The following MAD1L1 variants were observed in gnomAD, a reference collection of about 807,000 sequenced individuals.
MAD1L1 encodes mitotic arrest deficient 1 like 1.
Under a neutral mutation model 96.9 loss-of-function variants are expected in MAD1L1, and 95 were observed. That is an observed-to-expected ratio of 0.98 (90% CI 0.83 to 1.16). The LOEUF (loss-of-function observed/expected upper bound fraction) is 1.16. MAD1L1 is among the 50% of genes most tolerant of loss of function. The pLI is 0.00. For missense variants in MAD1L1, 1,007 were observed against 954.4 expected (o/e 1.06, Z -0.73); for synonymous variants, 473 against 396.6 (o/e 1.19, Z -2.29).
At chr7:2,132,602 G>A (rs80090166) in intron 11 of MAD1L1, among the ~76,000 whole-genome samples, 7,637 of 152,302 alleles carry the variant, frequency 0.05, 630 homozygotes, top group African/African-American at 0.17. Flanking sequence ...TGTGTCCACA[G>A]TTCTGCCTTT....
At chr7:2,002,157 G>C (rs529113979) in intron 13 of MAD1L1, 36 bp from the exon 14 acceptor site, 2 of 1,601,072 alleles carry the variant, frequency 1.2e-6, no homozygotes, top group Admixed American at 3.3e-5. Flanking sequence ...TGAGACTGTG[G>C]TGGGCCAGGC....
chr7:1,936,937 C>T (rs1490513170), intron 16 of MAD1L1, 40 bp from the exon 17 acceptor site: 7 of 1,504,928 alleles, frequency 4.7e-6, no homozygotes, highest in African/African-American at 2.7e-5. Context: ...ATGGCCCAGG[C>T]ACACACGCAG....
intron 18 of MAD1L1, chr7:1,847,367 C>T (rs1047662828): frequency 2.1e-6 from 1 of 470,958 alleles, no homozygotes; most frequent in Admixed American, 2.3e-5. Context: ...CGGGGCGGAC[C>T]AGGGTGTGCA....
At chr7:1,827,544 GGCC>G (rs1782474190) in intron 18 of MAD1L1, among the ~76,000 whole-genome samples, 3 of 127,258 alleles carry the variant, frequency 2.4e-5, no homozygotes, top group East Asian at 4.5e-4. Flanking sequence ...CGGGTGTGGG[GGCC>G]TCCCCTCCTG....
intron 10 of MAD1L1, among the ~76,000 whole-genome samples, chr7:2,202,931 A>G (rs1208831174): frequency 1.3e-5 from 2 of 152,310 alleles, no homozygotes; most frequent in East Asian, 3.9e-4. Context: ...GAAAATGTCC[A>G]GGTCAGCACT....
At chr7:1,966,414 G>A (rs1033699139) in intron 15 of MAD1L1, among the ~76,000 whole-genome samples, 3 of 152,116 alleles carry the variant, frequency 2.0e-5, no homozygotes, top group African/African-American at 7.2e-5. Context: ...GAAGTGCGGC[G>A]GAGAGGGGCC....
intron 12 of MAD1L1, among the ~76,000 whole-genome samples, chr7:2,040,905 T>C (rs779450201): frequency 1.3e-5 from 2 of 152,358 alleles, no homozygotes; most frequent in African/African-American, 2.4e-5. Context: ...ATTCAGCCAA[T>C]GCTGATTTAA....
intron 14 of MAD1L1, among the ~76,000 whole-genome samples, chr7:1,983,406 G>A (rs1781016426): frequency 6.6e-6 from 1 of 152,098 alleles, no homozygotes; most frequent in South Asian, 2.1e-4. Flanking sequence ...TTGGGACAAC[G>A]TTTTTCTACA....
chr7:1,891,796 G>C (rs1786556234), intron 18 of MAD1L1, among the ~76,000 whole-genome samples: 1 of 152,144 alleles, frequency 6.6e-6, no homozygotes. Context: ...GCCAAGGCTG[G>C]TTTTGAACTC....
In MAD1L1 at chr7:1,854,544, C is replaced by T. The variant is rs576761834; in HGVS notation, c.1999-38316G>A. Among the ~76,000 whole-genome samples, 69 of 152,138 alleles carry T rather than the reference C, an allele frequency of 4.5e-4. 1 individual carries two copies. Among genetic ancestry groups the T allele is most frequent in the African/African-American group, 1.5e-3 (61 of 41,500 alleles). On this transcript the variant is annotated intron_variant, in intron 18 of 18. Coordinates refer to ENST00000265854, the MANE Select transcript of MAD1L1 (RefSeq NM_001013836.2). ...GGAAGGGGCGGGGGGACTCTGGGGTCCCCTCTATAAGGATGTTAATCCCAT... is the reference window on the plus strand; with the variant it reads ...GGAAGGGGCGGGGGGACTCTGGGGTTCCCTCTATAAGGATGTTAATCCCAT...
intron 18 of MAD1L1, among the ~76,000 whole-genome samples, chr7:1,883,569 G>C (rs371203331): frequency 5.6e-4 from 86 of 152,326 alleles, no homozygotes; most frequent in African/African-American, 1.9e-3. Flanking sequence ...TTCAGCACCA[G>C]GGGACGGACA....
intron 12 of MAD1L1, among the ~76,000 whole-genome samples, chr7:2,068,925 C>T (rs1478912635): frequency 6.6e-6 from 1 of 152,198 alleles, no homozygotes; most frequent in African/African-American, 2.4e-5. Flanking sequence ...GAACCCTCTC[C>T]AGAGCTCAGC....
intron 10 of MAD1L1, among the ~76,000 whole-genome samples, chr7:2,192,345 TG>T (rs916453116): frequency 2.0e-5 from 3 of 152,176 alleles, no homozygotes; most frequent in Non-Finnish European, 2.9e-5. Flanking sequence ...TTTGCCAGGC[TG>T]GTCTCGAACT....
intron 15 of MAD1L1, among the ~76,000 whole-genome samples, chr7:1,964,580 C>G (rs1780082436): frequency 6.6e-6 from 1 of 152,190 alleles, no homozygotes; most frequent in Non-Finnish European, 1.5e-5. Context: ...TCAAATGGCT[C>G]AAAGCAATCA....
chr7:1,888,354 G>T (rs540298282), intron 18 of MAD1L1, among the ~76,000 whole-genome samples: 97 of 151,714 alleles, frequency 6.4e-4, no homozygotes, highest in African/African-American at 2.3e-3. Flanking sequence ...GTGCATGTGT[G>T]TGCATGCATG....
intron 11 of MAD1L1, among the ~76,000 whole-genome samples, chr7:2,126,709 A>G (rs1268669486): frequency 1.3e-5 from 2 of 152,184 alleles, no homozygotes; most frequent in Non-Finnish European, 2.9e-5. Flanking sequence ...TTAAACATGC[A>G]GCTTAGTAGG....
intron 17 of MAD1L1, among the ~76,000 whole-genome samples, chr7:1,935,691 C>T (rs1197954955): frequency 6.6e-6 from 1 of 152,232 alleles, no homozygotes; most frequent in East Asian, 1.9e-4. Context: ...GGAATGCTCT[C>T]CCACAGTACA....
chr7:2,135,658 C>G (rs765851697), intron 11 of MAD1L1, among the ~76,000 whole-genome samples: 25 of 152,180 alleles, frequency 1.6e-4, no homozygotes, highest in Non-Finnish European at 3.4e-4. Flanking sequence ...GGCCTCCTGC[C>G]CCCCAGCTCT....
At chr7:2,008,770 C>CA (rs1021079364) in intron 13 of MAD1L1, among the ~76,000 whole-genome samples, 6 of 117,228 alleles carry the variant, frequency 5.1e-5, no homozygotes, top group Non-Finnish European at 1.2e-4. Context: ...GCAGGAAGCT[C>CA]AGGGGGGGAA....
Sources: gnomAD v4.1 joint callset for allele counts (sites outside exome capture counted in the v4.1 genomes callset) on GRCh38, gnomAD v4.1.1 for gene constraint, MANE v1.5 for transcripts, NCBI Gene and HGNC (gene_info 2026-07-23, HGNC 2026-07-21) for gene names.